The following TPD52L2 variants were observed in gnomAD, a reference collection of about 807,000 sequenced individuals.
The protein encoded by TPD52L2 is tumor protein D54.
TPD52L2 carries 19 observed loss-of-function variants against 24.7 expected under a neutral mutation model. The ratio of observed to expected loss-of-function variants is 0.77; its 90% CI spans 0.54 to 1.13. The LOEUF (loss-of-function observed/expected upper bound fraction) is 1.13. Ranked by LOEUF, TPD52L2 falls within the 50% of genes most tolerant of loss-of-function variation. TPD52L2 has a pLI of 0.00. For missense variants in TPD52L2, 236 were observed against 250.4 expected, an observed-to-expected ratio of 0.94 and a Z score of 0.39; for synonymous variants, 104 against 100.2, an observed-to-expected ratio of 1.04 and a Z score of -0.23.
At position 63,873,718 on chromosome 20, in the gene TPD52L2, G is replaced by A. The variant is rs1402676613; in HGVS notation, c.216G>A (p.Arg72=). 3.7e-6 allele frequency: 6 copies of A among 1,610,524 alleles called. No individual in the cohort carries two copies. The highest frequency in any genetic ancestry group is 3.4e-5 in the Admixed American group (2 of 58,942). The part of the protein sequence containing the change: ...TLRQVLAAKE[R]HCGELKRRLG... The stretch of plus-strand genomic sequence containing the variant: ...GCCAGGTCCTGGCAGCCAAGGAGAG[G>A]CACTGTGGAGAGCTCAAGAGGAGGC... Residue 72 remains arginine, a synonymous_variant, in exon 3 of 7, where the codon AGG becomes AGA. Transcript: ENST00000346249.
intron 5 of TPD52L2, chr20:63,888,547 C>T (rs1304293659): frequency 2.2e-5 from 3 of 138,756 alleles, no homozygotes; most frequent in East Asian, 2.2e-4. Flanking sequence ...AACCTCAATA[C>T]GAGAGCCCGG....
At chr20:63,887,400 G>T in intron 5 of TPD52L2, 1 of 828,606 alleles carries the variant, frequency 1.2e-6, no homozygotes, top group Non-Finnish European at 2.1e-6. Context: ...GGACCCTGGG[G>T]TCGAGTTTCC....
In TPD52L2 at chr20:63,875,872, A is replaced by C. The variant is rs767072813; in HGVS notation, c.371A>C (p.Asp124Ala). 5 of 1,614,156 alleles carry C rather than the reference A, an allele frequency of 3.1e-6. No homozygotes were observed. Among genetic ancestry groups the C allele is most frequent in the Non-Finnish European group, 4.2e-6 (5 of 1,180,008 alleles). ...GEWNEKVTQS[D>A]LYKKTQETLS... ...TGGAATGAGAAAGTGACCCAGTCAG[A>C]CCTGTGAGTGCCTGTATCATCAGCA... The change falls in exon 4 of 7, where the codon GAC becomes GCC. Residue 124 changes from aspartate to alanine, a missense_variant. Coordinates refer to ENST00000346249, the MANE Select transcript of TPD52L2 (RefSeq NM_003288.4).
At position 63,866,846 on chromosome 20, in the gene TPD52L2, A is replaced by G. The variant is rs180958456; in HGVS notation, c.19+1462A>G. ...GAGTGCAGTGGTGCAATCATAGCTT[A>G]CTGCAATCTTCAACTCCTGGGCTCA... On this transcript the variant is annotated intron_variant, in intron 1 of 6. Coordinates refer to ENST00000346249, the MANE Select transcript of TPD52L2 (RefSeq NM_003288.4). Among the ~76,000 whole-genome samples the G allele has an allele frequency of 1.7e-4, 25 of 143,538 alleles. No individual in the cohort carries two copies. The East Asian group carries it at 4.5e-3, about 26-fold the overall frequency. 94.2% of individuals were successfully genotyped at this position (143,538 alleles called of 152,430 possible).
At chr20:63,871,366 T>A (rs1286594302) in intron 2 of TPD52L2, among the ~76,000 whole-genome samples, 1 of 149,748 alleles carries the variant, frequency 6.7e-6, no homozygotes, top group African/African-American at 2.5e-5. Context: ...TTTTTTTTTT[T>A]AAGGACGGAG....
chr20:63,889,819 T>C, intron 6 of TPD52L2, 31 bp from the exon 7 acceptor site: 1 of 1,605,024 alleles, frequency 6.2e-7, no homozygotes, highest in East Asian at 2.2e-5. Flanking sequence ...CTGTCTCAGG[T>C]TTTTCTGTCT....
intron 5 of TPD52L2, chr20:63,887,306 C>G: frequency 1.7e-6 from 1 of 603,106 alleles, no homozygotes; most frequent in South Asian, 1.9e-5. Context: ...GCCTGGTCTC[C>G]TCACAGCTTC....
At chr20:63,885,424 G>A (rs1399430768) in intron 5 of TPD52L2, among the ~76,000 whole-genome samples, 1 of 152,254 alleles carries the variant, frequency 6.6e-6, no homozygotes, top group Non-Finnish European at 1.5e-5. Context: ...GGGCCTGGCT[G>A]CAGTGAGTGG....
intron 3 of TPD52L2, among the ~76,000 whole-genome samples, chr20:63,874,208 C>T (rs1044443063): frequency 3.8e-4 from 56 of 148,182 alleles, no homozygotes; most frequent in African/African-American, 1.2e-3. Flanking sequence ...CCTCCCACCG[C>T]GCCCGGCTGA....
chr20:63,884,871 G>A (rs1229529764), intron 5 of TPD52L2, among the ~76,000 whole-genome samples: 5 of 152,250 alleles, frequency 3.3e-5, no homozygotes, highest in Admixed American at 1.3e-4. Context: ...CACGGTGCCC[G>A]TGGAGGGTCC....
intron 4 of TPD52L2, among the ~76,000 whole-genome samples, chr20:63,880,541 A>G (rs928019929): frequency 5.9e-5 from 9 of 152,274 alleles, no homozygotes; most frequent in African/African-American, 2.2e-4. Context: ...GAATGTTCAC[A>G]TGGTTTTATG....
At chr20:63,878,333 G>T (rs1237522029) in intron 4 of TPD52L2, among the ~76,000 whole-genome samples, 1 of 152,218 alleles carries the variant, frequency 6.6e-6, no homozygotes, top group African/African-American at 2.4e-5. Flanking sequence ...TGTGTTCTGC[G>T]AGTGGTGAAA....
At chr20:63,873,437 C>T (rs1243755436) in intron 2 of TPD52L2, among the ~76,000 whole-genome samples, 5 of 150,980 alleles carry the variant, frequency 3.3e-5, no homozygotes, top group Admixed American at 6.6e-5. Flanking sequence ...TGCGGTGAGC[C>T]GAGGTCGTGC....
At chr20:63,873,217 C>T (rs994638429) in intron 2 of TPD52L2, among the ~76,000 whole-genome samples, 3 of 151,374 alleles carry the variant, frequency 2.0e-5, no homozygotes, top group Non-Finnish European at 2.9e-5. Context: ...TGGCTGGGCG[C>T]GGTGGCTCAC....
In TPD52L2 at chr20:63,889,182, C is replaced by T. The variant is rs1215449395; in HGVS notation, c.477-8C>T. 2 of 1,613,122 alleles carry T rather than the reference C, an allele frequency of 1.2e-6. No individual in the cohort carries two copies. The highest frequency in any genetic ancestry group is 2.7e-5 in the African/African-American group (2 of 74,912). ...TTGACACCGACACTCTTCCCTCTCT[C>T]TTTAAAGGAACTCTGCGACCTTCAA... On this transcript the variant is annotated splice_polypyrimidine_tract_variant and splice_region_variant and intron_variant, in intron 5 of 6. Coordinates refer to ENST00000346249, the MANE Select transcript of TPD52L2 (RefSeq NM_003288.4).
chr20:63,869,159 G>T, intron 1 of TPD52L2, 137 bp from the exon 2 acceptor site: 1 of 971,868 alleles, frequency 1.0e-6, no homozygotes, highest in Non-Finnish European at 1.6e-6. Flanking sequence ...TGTCCTCACA[G>T]ACCTTTCAGA....
intron 4 of TPD52L2, 132 bp downstream of exon 4, chr20:63,876,007 C>G: frequency 1.1e-6 from 1 of 880,012 alleles, no homozygotes; most frequent in South Asian, 1.6e-5. Context: ...CTTCCTATAA[C>G]TTTTCTTCTC....
At chr20:63,866,016 C>A (rs1222070225) in intron 1 of TPD52L2, among the ~76,000 whole-genome samples, 2 of 152,180 alleles carry the variant, frequency 1.3e-5, no homozygotes, top group African/African-American at 2.4e-5. Flanking sequence ...TGGAGCGAGC[C>A]CAGGAGATTA....
At chr20:63,887,505 G>T in intron 5 of TPD52L2, 1 of 1,587,140 alleles carries the variant, frequency 6.3e-7, no homozygotes. Context: ...TTGGGGTTGT[G>T]TGTGGATCTT....
Sources: allele counts gnomAD v4.1 joint callset (sites outside exome capture counted in the v4.1 genomes callset), GRCh38; gene constraint gnomAD v4.1.1; transcripts MANE v1.5; gene names NCBI Gene and HGNC (gene_info 2026-07-23, HGNC 2026-07-21).